The following ATRN variants were observed in gnomAD, a reference collection of about 807,000 sequenced individuals.
ATRN encodes attractin.
A neutral mutation model predicts 178.7 loss-of-function variants in ATRN; 54 were observed. That is an observed-to-expected ratio of 0.30 (90% CI 0.24 to 0.38). The LOEUF is 0.38. Among genes scored for constraint, ATRN ranks in the 10% least tolerant of loss-of-function variants. ATRN has a pLI of 1.00. For missense variants in ATRN, 1,443 were observed against 1,815.1 expected (o/e 0.79, Z 3.73); for synonymous variants, 636 against 663.0 (o/e 0.96, Z 0.63).
At chr20:3,555,193 C>T (rs1032047015) in intron 6 of ATRN, among the ~76,000 whole-genome samples, 2 of 151,356 alleles carry the variant, frequency 1.3e-5, no homozygotes, top group South Asian at 2.1e-4. Flanking sequence ...TTAGTAGAGA[C>T]GGGGTTTCAC....
chr20:3,507,440 CA>C (rs1458529222), intron 1 of ATRN, among the ~76,000 whole-genome samples: 2 of 150,064 alleles, frequency 1.3e-5, no homozygotes, highest in Admixed American at 1.3e-4. Flanking sequence ...CAAAAAATGG[CA>C]AAAACTGCAA....
intron 1 of ATRN, among the ~76,000 whole-genome samples, chr20:3,486,217 G>A (rs1270188725): frequency 6.6e-6 from 1 of 151,840 alleles, no homozygotes; most frequent in East Asian, 1.9e-4. Context: ...GGTATAACAA[G>A]TGTGACGTGT....
Position 3,647,821 on chromosome 20 carries a change from G to T in ATRN, c.*974G>T, listed in dbSNP as rs763562095. 6.6e-6 allele frequency: 1 copy of T among 152,192 alleles called. No individual in the cohort carries two copies. The highest frequency in any genetic ancestry group is 2.4e-5 in the African/African-American group (1 of 41,434). 9.4% of individuals were successfully genotyped at this position (152,192 alleles called of 1,614,324 possible). On this transcript the variant is annotated 3_prime_UTR_variant, in exon 29 of 29. Transcript: ENST00000262919. ...AAGGAACATTTGATCTAGCAGCAGG[G>T]ATGAGAGGAAAGCAGAAATGAATGA... is the stretch of plus-strand genomic sequence containing the variant.
At chr20:3,530,906 T>C (rs1335048088) in intron 1 of ATRN, among the ~76,000 whole-genome samples, 2 of 152,282 alleles carry the variant, frequency 1.3e-5, no homozygotes, top group Admixed American at 1.3e-4. Flanking sequence ...CTCCCTATAT[T>C]TGTTTCCACT....
intron 1 of ATRN, among the ~76,000 whole-genome samples, chr20:3,496,440 GT>G (rs1489152529): frequency 1.3e-5 from 2 of 152,004 alleles, no homozygotes; most frequent in African/African-American, 2.4e-5. Context: ...AGGTTGTTCA[GT>G]TTCCATGTAG....
At chr20:3,563,139 G>C in intron 9 of ATRN, 70 bp from the exon 10 acceptor site, 1 of 1,369,084 alleles carries the variant, frequency 7.3e-7, no homozygotes, top group Non-Finnish European at 1.0e-6. Context: ...GGTTGTGCTT[G>C]CATTAGCAGA....
At chr20:3,509,273 A>G (rs1228689562) in intron 1 of ATRN, among the ~76,000 whole-genome samples, 1 of 152,172 alleles carries the variant, frequency 6.6e-6, no homozygotes, top group African/African-American at 2.4e-5. Flanking sequence ...TATTGAAAGC[A>G]AAAGGATAGA....
chr20:3,566,043 C>G (rs373789615), intron 11 of ATRN, among the ~76,000 whole-genome samples: 3 of 152,108 alleles, frequency 2.0e-5, no homozygotes, highest in African/African-American at 7.2e-5. Flanking sequence ...ACAAAAGTTA[C>G]GTGCATGTCA....
At chr20:3,640,245 G>A (rs2087057490) in intron 27 of ATRN, among the ~76,000 whole-genome samples, 1 of 152,132 alleles carries the variant, frequency 6.6e-6, no homozygotes, top group Non-Finnish European at 1.5e-5. Flanking sequence ...CAATTTACAT[G>A]TTAAATAGCA....
chr20:3,500,796 T>C (rs1600040142), intron 1 of ATRN, among the ~76,000 whole-genome samples: 2 of 151,756 alleles, frequency 1.3e-5, no homozygotes, highest in Non-Finnish European at 2.9e-5. Flanking sequence ...TGTAACTAAC[T>C]TGCACATTGT....
intron 11 of ATRN, among the ~76,000 whole-genome samples, chr20:3,566,541 G>T (rs2086038525): frequency 6.6e-6 from 1 of 152,134 alleles, no homozygotes; most frequent in African/African-American, 2.4e-5. Context: ...CATCATGTTA[G>T]AATTCCTTTG....
chr20:3,629,251 C>T lies in ATRN; in HGVS notation c.3863+4679C>T, dbSNP rs901916596. The T allele has an allele frequency of 4.1e-6, 4 of 985,294 alleles. No homozygotes were observed. In the African/African-American group the frequency reaches 7.0e-5, roughly 17 times the overall value. 61.0% of individuals were successfully genotyped at this position (985,294 alleles called of 1,614,324 possible). On this transcript the variant is annotated intron_variant, in intron 25 of 28. Transcript: ENST00000262919. ...ACCTTTAAAGATCATGTATCTAGCC[C>T]CTTACCTTCCTGTCGTATCTAAAAT...
rs189284415 is a variant in ATRN at position 3,583,852 on chromosome 20, G to A, written c.2765-46G>A. On this transcript the variant is annotated intron_variant, in intron 16 of 28. Coordinates refer to ENST00000262919, the MANE Select transcript of ATRN (RefSeq NM_139321.3). ...AGAAAGAAAAGTCTTTGACCTTAGC[G>A]GACATGGTGGGAGCTCTAAGTGTCT... 4.6e-5 allele frequency: 71 copies of A among 1,549,272 alleles called. 1 individual carries two copies. Among genetic ancestry groups the A allele is most frequent in the African/African-American group, 1.9e-4 (14 of 73,032 alleles).
At chr20:3,526,927 A>G (rs2085373121) in intron 1 of ATRN, among the ~76,000 whole-genome samples, 1 of 152,192 alleles carries the variant, frequency 6.6e-6, no homozygotes, top group Non-Finnish European at 1.5e-5. Flanking sequence ...ACAAAAATTA[A>G]TTGAAGATGG....
At chr20:3,496,648 G>A (rs1257051646) in intron 1 of ATRN, among the ~76,000 whole-genome samples, 1 of 152,176 alleles carries the variant, frequency 6.6e-6, no homozygotes, top group Non-Finnish European at 1.5e-5. Flanking sequence ...GGGGTAGAGA[G>A]TTCTGTAGAT....
intron 8 of ATRN, among the ~76,000 whole-genome samples, chr20:3,562,018 G>A (rs1474989499): frequency 1.3e-4 from 20 of 152,112 alleles, no homozygotes; most frequent in South Asian, 6.2e-4. Flanking sequence ...AAGCCACTTC[G>A]CCTGGCCCTG....
In ATRN at chr20:3,647,278, A is replaced by ATTAAC. The variant is rs10626102; in HGVS notation, c.*433_*434insAACTT. The stretch of plus-strand genomic sequence containing the variant: ...GGTCTTTTAAAAACTAGTCAGATGA[A>ATTAAC]TTGTTTTCATCTGAAGCCTGCTATC... On this transcript the variant is annotated 3_prime_UTR_variant, in exon 29 of 29. Coordinates refer to ENST00000262919, the MANE Select transcript of ATRN (RefSeq NM_139321.3). 0.86 allele frequency: 131,926 copies of ATTAAC among 152,966 alleles called. 57,231 individuals are homozygous for ATTAAC. The highest frequency in any genetic ancestry group is 1 in the East Asian group (5,173 of 5,180). 9.5% of individuals were successfully genotyped at this position (152,966 alleles called of 1,614,324 possible). A position where few individuals can be genotyped will look rare whatever the true frequency, so the allele number is the denominator to read the frequency against.
chr20:3,471,400 C>G lies in ATRN; in HGVS notation c.293C>G (p.Ala98Gly), dbSNP rs879691653. 3.8e-5 allele frequency: 56 copies of G among 1,488,874 alleles called. No individual in the cohort carries two copies. Among genetic ancestry groups the G allele is most frequent in the Non-Finnish European group, 4.8e-5 (54 of 1,127,718 alleles). The allele number at this position is 1,488,874 out of a possible 1,614,324, so 92.2% of individuals were successfully genotyped here. ...AAVSGSAAAE[A>G]KECDRPCVNG... ...GTGTCGGGCTCAGCCGCAGCCGAGG[C>G]CAAGGAATGTGACCGGCCCTGTGTC... is the stretch of plus-strand genomic sequence containing the variant. The change falls in exon 1 of 29, where the codon GCC (alanine) becomes GGC (glycine). Residue 98 changes from alanine (A) to glycine (G), a missense_variant. Around this residue, in one of 4 missense-constraint regions of ATRN, gnomAD observed 862 missense variants for 972.1 expected, o/e 0.89. Coordinates refer to ENST00000262919, the MANE Select transcript of ATRN (RefSeq NM_139321.3).
chr20:3,538,775 C>T (rs933554815), intron 2 of ATRN, among the ~76,000 whole-genome samples: 1 of 152,164 alleles, frequency 6.6e-6, no homozygotes, highest in Non-Finnish European at 1.5e-5. Flanking sequence ...ACTTAATAGC[C>T]TTGAAATTGG....
Sources: gnomAD v4.1 joint callset for allele counts (sites outside exome capture counted in the v4.1 genomes callset) on GRCh38, gnomAD v4.1.1 for gene constraint, gnomAD v4.1.1 regional missense constraint, MANE v1.5 for transcripts, NCBI Gene and HGNC (gene_info 2026-07-23, HGNC 2026-07-21) for gene names.